Variants in PCED1B observed in about 807,000 individuals in gnomAD.
The protein encoded by PCED1B is PC-esterase domain-containing protein 1B.
For synonymous variants in PCED1B, 251 were observed against 246.1 expected, an observed-to-expected ratio of 1.02 and a Z score of -0.19; for missense variants, 573 against 573.9, an observed-to-expected ratio of 1.00 and a Z score of 0.02.
In PCED1B at chr12:47,235,553, A is replaced by G; in HGVS notation, c.490A>G (p.Thr164Ala). Reference protein sequence around the residue: ...LPESCLLVWNTAMPVGEEVTG... With the variant: ...LPESCLLVWNAAMPVGEEVTG... ...CGAGTCTTGCCTCCTGGTGTGGAAC[A>G]CGGCCATGCCTGTGGGCGAGGAAGT... Residue 164 changes from threonine to alanine, a missense_variant, in exon 4 of 4, where the codon ACG (threonine) becomes GCG (alanine). By Grantham distance (58) the Thr-to-Ala change is moderately conservative (BLOSUM62 0). Coordinates refer to ENST00000546455, the MANE Select transcript of PCED1B (RefSeq NM_138371.3). 2 of 1,610,504 alleles carry G rather than the reference A, an allele frequency of 1.2e-6. No individual in the cohort carries two copies. Among genetic ancestry groups the G allele is most frequent in the Non-Finnish European group, 1.7e-6 (2 of 1,177,688 alleles).
At chr12:47,148,224 G>A (rs970817134) in intron 2 of PCED1B, among the ~76,000 whole-genome samples, 1 of 152,124 alleles carries the variant, frequency 6.6e-6, no homozygotes, top group Non-Finnish European at 1.5e-5. Flanking sequence ...TCATGAGGGA[G>A]CCTTCATGGC....
At chr12:47,188,475 G>A (rs938432106) in intron 2 of PCED1B, among the ~76,000 whole-genome samples, 1 of 152,164 alleles carries the variant, frequency 6.6e-6, no homozygotes, top group Non-Finnish European at 1.5e-5. Flanking sequence ...ATATGCTTAG[G>A]TATTGTCATC....
intron 2 of PCED1B, among the ~76,000 whole-genome samples, chr12:47,158,105 G>T (rs575562358): frequency 6.6e-6 from 1 of 152,288 alleles, no homozygotes; most frequent in African/African-American, 2.4e-5. Context: ...TATGAATTAT[G>T]CTGCTATGAA....
At chr12:47,175,789 C>A (rs1941904143) in intron 2 of PCED1B, among the ~76,000 whole-genome samples, 3 of 152,042 alleles carry the variant, frequency 2.0e-5, no homozygotes, top group Admixed American at 2.0e-4. Flanking sequence ...TCAGGCTGAT[C>A]TCGAACTCCT....
At chr12:47,093,388 G>T (rs528484582) in intron 1 of PCED1B, among the ~76,000 whole-genome samples, 4 of 150,834 alleles carry the variant, frequency 2.7e-5, no homozygotes, top group African/African-American at 9.7e-5. Context: ...CTTTTGATCA[G>T]TCTTCTTTAG....
intron 2 of PCED1B, chr12:47,187,742 A>AC (rs1942316369): frequency 6.5e-6 from 1 of 154,030 alleles, no homozygotes; most frequent in Non-Finnish European, 1.5e-5. Context: ...TTCATTGAAG[A>AC]CATATTTGGG....
At chr12:47,120,087 G>C (rs1441330145) in intron 2 of PCED1B, among the ~76,000 whole-genome samples, 3 of 152,102 alleles carry the variant, frequency 2.0e-5, no homozygotes. Flanking sequence ...ATGAAAAGAT[G>C]CTCAACGTTA....
chr12:47,120,718 C>CT (rs1195243491), intron 2 of PCED1B, among the ~76,000 whole-genome samples: 2 of 152,138 alleles, frequency 1.3e-5, no homozygotes, highest in Non-Finnish European at 2.9e-5. Context: ...AGGAGAATCA[C>CT]TTGAACCCGG....
intron 2 of PCED1B, among the ~76,000 whole-genome samples, chr12:47,198,774 G>A (rs1354432297): frequency 2.6e-5 from 4 of 152,082 alleles, no homozygotes; most frequent in South Asian, 2.1e-4. Context: ...AGACCAGCCC[G>A]GCTAACATGG....
At chr12:47,101,668 C>T (rs951161286) in intron 1 of PCED1B, among the ~76,000 whole-genome samples, 2 of 152,022 alleles carry the variant, frequency 1.3e-5, no homozygotes, top group East Asian at 1.9e-4. Context: ...AGATTTGGTC[C>T]GGGCACGGTG....
chr12:47,210,161 A>T (rs535369428), intron 2 of PCED1B: 1 of 152,250 alleles, frequency 6.6e-6, no homozygotes, highest in Non-Finnish European at 1.5e-5. Context: ...TGGTCAGTTT[A>T]TTCAACCAGA....
At chr12:47,202,616 A>T (rs9795530) in intron 2 of PCED1B, among the ~76,000 whole-genome samples, 1 of 150,720 alleles carries the variant, frequency 6.6e-6, no homozygotes, top group African/African-American at 2.4e-5. Context: ...AAAAAAAAAA[A>T]AAAGAAAAAA....
chr12:47,104,916 G>A (rs891833196), intron 2 of PCED1B, among the ~76,000 whole-genome samples: 3 of 152,118 alleles, frequency 2.0e-5, no homozygotes, highest in South Asian at 2.1e-4. Context: ...CTCGCCCCGG[G>A]CTTCCCCAGC....
intron 2 of PCED1B, among the ~76,000 whole-genome samples, chr12:47,118,337 G>A (rs1939522979): frequency 6.6e-6 from 1 of 152,182 alleles, no homozygotes; most frequent in African/African-American, 2.4e-5. Context: ...TAACATGTAA[G>A]TCTTTAATCC....
chr12:47,200,194 C>CAA (rs534572202), intron 2 of PCED1B, among the ~76,000 whole-genome samples: 304 of 143,048 alleles, frequency 2.1e-3, no homozygotes, highest in Middle Eastern at 0.014. Context: ...GATCTTGCCT[C>CAA]AAAAAAAAAA....
intron 1 of PCED1B, among the ~76,000 whole-genome samples, chr12:47,080,897 C>T (rs1592116659): frequency 1.3e-5 from 2 of 152,032 alleles, no homozygotes; most frequent in Admixed American, 6.5e-5. Context: ...CAAGCGTGCT[C>T]GTGGCGCGTG....
chr12:47,217,332 G>A (rs561806392), intron 3 of PCED1B, among the ~76,000 whole-genome samples: 59 of 151,640 alleles, frequency 3.9e-4, no homozygotes, highest in Admixed American at 1.2e-3. Flanking sequence ...AGCCTGCAGA[G>A]TTGCTGCAGT....
At chr12:47,195,651 C>T (rs980068661) in intron 2 of PCED1B, among the ~76,000 whole-genome samples, 1 of 152,140 alleles carries the variant, frequency 6.6e-6, no homozygotes, top group Admixed American at 6.5e-5. Flanking sequence ...GGGCCAGAAA[C>T]AAGAAGGTTG....
intron 2 of PCED1B, among the ~76,000 whole-genome samples, chr12:47,163,656 A>G (rs970516193): frequency 2.0e-4 from 31 of 152,144 alleles, no homozygotes; most frequent in Admixed American, 1.3e-4. Context: ...TGCTTTTTCT[A>G]TATCAATTGA....
Sources: gnomAD v4.1 joint callset for allele counts (sites outside exome capture counted in the v4.1 genomes callset) on GRCh38, gnomAD v4.1.1 for gene constraint, MANE v1.5 for transcripts, NCBI Gene and HGNC (gene_info 2026-07-23, HGNC 2026-07-21) for gene names.